GATAD2B: variants seen among roughly 807,000 people sequenced by gnomAD.
GATAD2B encodes GATA zinc finger domain containing 2B.
A neutral mutation model predicts 64.3 loss-of-function variants in GATAD2B; 8 were observed. That is an observed-to-expected ratio of 0.12 (90% CI 0.07 to 0.22). The LOEUF is 0.22. Among genes scored for constraint, GATAD2B ranks in the 10% least tolerant of loss-of-function variants. GATAD2B has a pLI of 1.00. For synonymous variants in GATAD2B, 281 were observed against 271.3 expected (o/e 1.04, Z -0.35); for missense variants, 453 against 752.0 (o/e 0.60, Z 4.65).
chr1:153,875,723 TA>T (rs1432166160), intron 1 of GATAD2B, among the ~76,000 whole-genome samples: 11 of 140,086 alleles, frequency 7.9e-5, no homozygotes, highest in Non-Finnish European at 4.7e-5. Flanking sequence ...ACAAGCTGGC[TA>T]AAATAAACTA....
At chr1:153,867,222 A>C (rs1251233738) in intron 1 of GATAD2B, among the ~76,000 whole-genome samples, 1 of 152,208 alleles carries the variant, frequency 6.6e-6, no homozygotes, top group East Asian at 1.9e-4. Context: ...TAGATAACAT[A>C]GAACCAAAAG....
intron 1 of GATAD2B, among the ~76,000 whole-genome samples, chr1:153,831,277 T>C (rs190134381): frequency 2.6e-5 from 4 of 151,520 alleles, no homozygotes; most frequent in East Asian, 3.9e-4. Flanking sequence ...TAAGTGGGAG[T>C]TGAACAATGA....
chr1:153,917,021 G>A (rs965257537), intron 1 of GATAD2B, among the ~76,000 whole-genome samples: 2 of 136,842 alleles, frequency 1.5e-5, no homozygotes, highest in African/African-American at 5.5e-5. Context: ...TTGGCCAGGC[G>A]GGTCTTGAAC....
At position 153,905,553 on chromosome 1, in the gene GATAD2B, GAAAAAAA is replaced by G. The variant is rs769120730; in HGVS notation, c.-2+17173_-2+17179del. 6.6e-4 allele frequency among the ~76,000 whole-genome samples: 43 copies of G among 64,670 alleles called. No homozygotes were observed. In the East Asian group the frequency reaches 6.9e-3, roughly 10 times the overall value. The allele number at this position is 64,670 out of a possible 152,430, so 42.4% of individuals were successfully genotyped here. A position where few individuals can be genotyped will look rare whatever the true frequency, so the allele number is the denominator to read the frequency against. On this transcript the variant is annotated intron_variant, in intron 1 of 10. Coordinates refer to ENST00000368655, the MANE Select transcript of GATAD2B (RefSeq NM_020699.4). ...AGCCCAAACAGCCAAAACAATTTTG[GAAAAAAA>G]AAAAAAAAAAAAAAAGAACAAAGTC... is the stretch of plus-strand genomic sequence containing the variant.
chr1:153,829,503 C>T (rs751365404), intron 1 of GATAD2B, among the ~76,000 whole-genome samples: 2 of 151,144 alleles, frequency 1.3e-5, no homozygotes, highest in Non-Finnish European at 3.0e-5. Flanking sequence ...TTTGGGAGGC[C>T]GAGGAGGGTG....
At chr1:153,863,390 G>A (rs1173418382) in intron 1 of GATAD2B, among the ~76,000 whole-genome samples, 1 of 151,790 alleles carries the variant, frequency 6.6e-6, no homozygotes, top group African/African-American at 2.4e-5. Context: ...AAGCTAATTG[G>A]GAGGCTGAGG....
intron 1 of GATAD2B, among the ~76,000 whole-genome samples, chr1:153,848,637 T>C (rs1320062228): frequency 6.6e-6 from 1 of 152,180 alleles, no homozygotes; most frequent in Admixed American, 6.5e-5. Flanking sequence ...ATGTAGTCAA[T>C]TGCCTAACAT....
intron 2 of GATAD2B, among the ~76,000 whole-genome samples, chr1:153,827,261 A>C (rs1253961229): frequency 3.3e-5 from 5 of 149,900 alleles, no homozygotes; most frequent in African/African-American, 1.2e-4. Flanking sequence ...AAAAAAAAAA[A>C]GCACCAAAAA....
At chr1:153,910,219 T>C (rs1027484174) in intron 1 of GATAD2B, among the ~76,000 whole-genome samples, 5 of 152,188 alleles carry the variant, frequency 3.3e-5, no homozygotes, top group African/African-American at 7.2e-5. Flanking sequence ...TCATGGTGAA[T>C]TGGTAAGCTA....
intron 1 of GATAD2B, among the ~76,000 whole-genome samples, chr1:153,902,004 C>T (rs1677793863): frequency 1.4e-5 from 2 of 147,808 alleles, no homozygotes; most frequent in African/African-American, 2.5e-5. Flanking sequence ...AAAAAGGCCG[C>T]GCACAGTGGT....
intron 1 of GATAD2B, among the ~76,000 whole-genome samples, chr1:153,842,935 G>A (rs990678238): frequency 4.7e-4 from 70 of 148,182 alleles, no homozygotes; most frequent in Admixed American, 2.4e-3. Context: ...GATTACAGGC[G>A]TGAGCCACCT....
At chr1:153,832,405 A>G (rs947363494) in intron 1 of GATAD2B, among the ~76,000 whole-genome samples, 1 of 152,224 alleles carries the variant, frequency 6.6e-6, no homozygotes, top group Non-Finnish European at 1.5e-5. Flanking sequence ...CGTAATTCAG[A>G]ATCAGGCCCT....
intron 1 of GATAD2B, among the ~76,000 whole-genome samples, chr1:153,901,398 A>G (rs1677766127): frequency 6.6e-6 from 1 of 152,056 alleles, no homozygotes. Flanking sequence ...AATGAGAATC[A>G]GGAACTTTAA....
chr1:153,863,432 G>T (rs1052049795), intron 1 of GATAD2B, among the ~76,000 whole-genome samples: 2 of 151,016 alleles, frequency 1.3e-5, no homozygotes, highest in Admixed American at 6.6e-5. Flanking sequence ...GGAGGTGGAG[G>T]TTGCAGTGAG....
intron 1 of GATAD2B, among the ~76,000 whole-genome samples, chr1:153,874,079 T>C (rs1228667932): frequency 6.6e-6 from 1 of 151,858 alleles, no homozygotes; most frequent in African/African-American, 2.4e-5. Flanking sequence ...CTGGCCAACA[T>C]GGTGAAATCC....
chr1:153,894,563 TA>T (rs201089422), intron 1 of GATAD2B, among the ~76,000 whole-genome samples: 5 of 148,136 alleles, frequency 3.4e-5, no homozygotes, highest in Non-Finnish European at 4.5e-5. Flanking sequence ...ATACCTCAGT[TA>T]AAAAAAAAAG....
At chr1:153,819,808 T>G in intron 2 of GATAD2B, 73 bp from the exon 3 acceptor site, 3 of 1,395,892 alleles carry the variant, frequency 2.1e-6, no homozygotes, top group Non-Finnish European at 2.9e-6. Flanking sequence ...ATTAAAAAAA[T>G]CCAAGGGGGG....
At chr1:153,897,122 G>T (rs964360505) in intron 1 of GATAD2B, among the ~76,000 whole-genome samples, 5 of 150,150 alleles carry the variant, frequency 3.3e-5, no homozygotes, top group Non-Finnish European at 5.9e-5. Context: ...TCCACCCCCT[G>T]GGGTTCACGC....
At chr1:153,901,824 A>AAAT (rs1677782754) in intron 1 of GATAD2B, among the ~76,000 whole-genome samples, 1 of 73,072 alleles carries the variant, frequency 1.4e-5, no homozygotes, top group African/African-American at 4.3e-5. Context: ...ACTCTTGCTA[A>AAAT]AAATAAATAA....
Sources: gnomAD v4.1 joint callset for allele counts (sites outside exome capture counted in the v4.1 genomes callset) on GRCh38, gnomAD v4.1.1 for gene constraint, MANE v1.5 for transcripts, NCBI Gene and HGNC (gene_info 2026-07-23, HGNC 2026-07-21) for gene names.